The following GRID2 variants were observed in gnomAD, a reference collection of about 807,000 sequenced individuals.
GRID2 encodes the protein glutamate receptor ionotropic, delta-2.
In GRID2, 33 loss-of-function variants were observed where a neutral mutation model predicts 114.8. That is an observed-to-expected ratio of 0.29 (90% CI 0.22 to 0.38). The LOEUF (loss-of-function observed/expected upper bound fraction) is 0.38, where lower values mean the gene tolerates loss of function less well. Ranked by LOEUF, GRID2 falls within the 10% of genes least tolerant of loss-of-function variation. The probability of loss-of-function intolerance (pLI) is 1.00; values close to 1 mark genes in which losing one functional copy is unlikely to be tolerated. For synonymous variants in GRID2, 505 were observed against 449.9 expected, an observed-to-expected ratio of 1.12 and a Z score of -1.55; for missense variants, 1,184 against 1,257.7, an observed-to-expected ratio of 0.94 and a Z score of 0.89.
chr4:92,994,121 T>C (rs1003600969), intron 2 of GRID2, among the ~76,000 whole-genome samples: 4 of 151,908 alleles, frequency 2.6e-5, no homozygotes, highest in Non-Finnish European at 5.9e-5. Flanking sequence ...TGGAAACCAA[T>C]CCAGAATTGC....
chr4:93,622,459 T>C (rs1742297104), intron 13 of GRID2, among the ~76,000 whole-genome samples: 1 of 152,182 alleles, frequency 6.6e-6, no homozygotes, highest in South Asian at 2.1e-4. Flanking sequence ...TCAAACATCA[T>C]CATGCAGTAA....
chr4:93,368,595 C>T (rs1762571768), intron 8 of GRID2, among the ~76,000 whole-genome samples: 1 of 152,090 alleles, frequency 6.6e-6, no homozygotes, highest in African/African-American at 2.4e-5. Flanking sequence ...TGATGTTCCC[C>T]TTCCTGTGTC....
At chr4:92,652,503 C>A (rs1731992143) in intron 2 of GRID2, among the ~76,000 whole-genome samples, 1 of 151,268 alleles carries the variant, frequency 6.6e-6, no homozygotes, top group African/African-American at 2.4e-5. Flanking sequence ...CATTTTATGA[C>A]CCTGTCTCTA....
At position 92,394,981 on chromosome 4, in the gene GRID2, T is replaced by A. The variant is rs568253081; in HGVS notation, c.88+90237T>A. 3.3e-5 allele frequency among the ~76,000 whole-genome samples: 5 copies of A among 151,712 alleles called. No individual in the cohort carries two copies. In the East Asian group the frequency reaches 9.7e-4, roughly 29 times the overall value. On this transcript the variant is annotated intron_variant, in intron 1 of 15. Coordinates refer to ENST00000282020, the MANE Select transcript of GRID2 (RefSeq NM_001510.4). Reference sequence around the variant, plus strand: ...AGAGCACAGTGATAATAAAAAGGAATCTATACTTAATTCTATCCATAATAT... The same window carrying A: ...AGAGCACAGTGATAATAAAAAGGAAACTATACTTAATTCTATCCATAATAT...
intron 2 of GRID2, among the ~76,000 whole-genome samples, chr4:92,994,275 G>T (rs181334009): frequency 3.3e-5 from 5 of 152,180 alleles, no homozygotes; most frequent in Non-Finnish European, 7.3e-5. Context: ...TATAAACTCA[G>T]TGATCTTAAT....
intron 1 of GRID2, among the ~76,000 whole-genome samples, chr4:92,481,265 C>G (rs1032508929): frequency 1.3e-5 from 2 of 151,856 alleles, no homozygotes; most frequent in African/African-American, 4.8e-5. Context: ...ATAGAGTACC[C>G]TTAAAGTTCC....
intron 2 of GRID2, among the ~76,000 whole-genome samples, chr4:92,779,467 G>A (rs1186737433): frequency 1.3e-5 from 2 of 152,036 alleles, no homozygotes; most frequent in Non-Finnish European, 1.5e-5. Context: ...AACTAAAAGA[G>A]CTTAAAGACA....
chr4:92,511,489 G>A (rs1051072777), intron 1 of GRID2, among the ~76,000 whole-genome samples: 7 of 151,630 alleles, frequency 4.6e-5, no homozygotes, highest in Admixed American at 2.0e-4. Context: ...AAAATGAAAG[G>A]GGTCACTATT....
chr4:92,606,662 G>C (rs1314854913), intron 2 of GRID2, among the ~76,000 whole-genome samples: 2 of 151,778 alleles, frequency 1.3e-5, no homozygotes, highest in Non-Finnish European at 2.9e-5. Flanking sequence ...CTGGGTTTTT[G>C]CACTATTCCC....
chr4:92,518,486 G>A (rs1724615172), intron 1 of GRID2, among the ~76,000 whole-genome samples: 1 of 151,844 alleles, frequency 6.6e-6, no homozygotes, highest in South Asian at 2.1e-4. Context: ...CTTATATGAG[G>A]TATCCAAAGT....
At chr4:92,462,798 G>T (rs1178289569) in intron 1 of GRID2, among the ~76,000 whole-genome samples, 1 of 151,928 alleles carries the variant, frequency 6.6e-6, no homozygotes, top group African/African-American at 2.4e-5. Flanking sequence ...GAAAACCAAT[G>T]AGACTTGTTA....
chr4:93,396,666 GA>G (rs377571167), intron 9 of GRID2, among the ~76,000 whole-genome samples: 5 of 152,094 alleles, frequency 3.3e-5, no homozygotes, highest in African/African-American at 1.2e-4. Context: ...GTATACCTGG[GA>G]AAGATCTGTT....
rs562985057 is a variant in GRID2 at position 93,314,870 on chromosome 4, A to G, written c.1245+76380A>G. On this transcript the variant is annotated intron_variant, in intron 8 of 15. Coordinates refer to ENST00000282020, the MANE Select transcript of GRID2 (RefSeq NM_001510.4). ...TTTGTTTTTTTGGTTTTATGACAGG[A>G]TATTTAATATAATATCTACTCCCTT... is the stretch of plus-strand genomic sequence containing the variant. Among the ~76,000 whole-genome samples the G allele has an allele frequency of 1.4e-3, 210 of 152,190 alleles. No individual in the cohort carries two copies. The South Asian group carries it at 0.037, about 26-fold the overall frequency.
intron 2 of GRID2, among the ~76,000 whole-genome samples, chr4:92,682,912 A>G (rs1233470118): frequency 6.6e-6 from 1 of 152,136 alleles, no homozygotes; most frequent in African/African-American, 2.4e-5. Context: ...TAATTGTGGC[A>G]TCTTATGCTT....
chr4:92,957,230 C>A (rs1277731255), intron 2 of GRID2, among the ~76,000 whole-genome samples: 1 of 151,878 alleles, frequency 6.6e-6, no homozygotes, highest in Non-Finnish European at 1.5e-5. Context: ...ACCATCAAAC[C>A]CAAGGTCATA....
At chr4:93,774,996 T>G (rs13110968), downstream of GRID2, among the ~76,000 whole-genome samples, 53,754 of 151,928 alleles carry the variant, frequency 0.35, 9,771 homozygotes, top group Middle Eastern at 0.47. Flanking sequence ...TTATTCGTCA[T>G]GCTGAATCTA....
chr4:92,693,113 T>C (rs1734257519), intron 2 of GRID2, among the ~76,000 whole-genome samples: 1 of 151,538 alleles, frequency 6.6e-6, no homozygotes, highest in Non-Finnish European at 1.5e-5. Context: ...AGTAATGCAG[T>C]TCCTTCTTTT....
intron 13 of GRID2, among the ~76,000 whole-genome samples, chr4:93,537,906 C>G (rs1732257039): frequency 6.6e-6 from 1 of 151,646 alleles, no homozygotes; most frequent in Non-Finnish European, 1.5e-5. Flanking sequence ...GTTTTTACCT[C>G]CATAATGCAG....
intron 2 of GRID2, among the ~76,000 whole-genome samples, chr4:92,762,448 TAAA>T (rs11326827): frequency 1.3e-5 from 2 of 148,156 alleles, no homozygotes; most frequent in African/African-American, 2.5e-5. Flanking sequence ...TTGCTAAAAT[TAAA>T]AAAAAAAAAC....
Sources: gnomAD v4.1 joint callset for allele counts (sites outside exome capture counted in the v4.1 genomes callset) on GRCh38, gnomAD v4.1.1 for gene constraint, MANE v1.5 for transcripts, NCBI Gene and HGNC (gene_info 2026-07-23, HGNC 2026-07-21) for gene names.